The following RBFOX1 variants were observed in gnomAD, a reference collection of about 807,000 sequenced individuals.
RBFOX1 encodes the protein RNA binding protein fox-1 homolog 1.
In RBFOX1, 8 loss-of-function variants were observed where a neutral mutation model predicts 57.7. That is an observed-to-expected ratio of 0.14 (90% confidence interval 0.08 to 0.25). The LOEUF (loss-of-function observed/expected upper bound fraction) is 0.25, where lower values mean the gene tolerates loss of function less well. Among genes scored for constraint, RBFOX1 ranks in the 10% least tolerant of loss-of-function variants. The probability of loss-of-function intolerance (pLI) is 1.00; values close to 1 mark genes in which losing one functional copy is unlikely to be tolerated. For synonymous variants in RBFOX1, 326 were observed against 222.4 expected (o/e 1.47, Z -4.15); for missense variants, 611 against 548.5 (o/e 1.11, Z -1.14).
chr16:6,060,497 C>G (rs2095671312), intron 1 of RBFOX1, among the ~76,000 whole-genome samples: 1 of 152,106 alleles, frequency 6.6e-6, no homozygotes, highest in South Asian at 2.1e-4. Flanking sequence ...CCTTGTCATG[C>G]TTTTGGTTGA....
At chr16:7,151,616 G>T (rs142154268) in intron 4 of RBFOX1, among the ~76,000 whole-genome samples, 1 of 152,074 alleles carries the variant, frequency 6.6e-6, no homozygotes, top group Non-Finnish European at 1.5e-5. Flanking sequence ...ATGATTTCAG[G>T]ATGATTTAAG....
At chr16:6,861,967 G>A (rs1224229554) in intron 3 of RBFOX1, among the ~76,000 whole-genome samples, 1 of 151,770 alleles carries the variant, frequency 6.6e-6, no homozygotes, top group Non-Finnish European at 1.5e-5. Flanking sequence ...TATGCAATGG[G>A]AGGCTTGAAT....
chr16:6,186,858 A>C (rs2097108572), intron 1 of RBFOX1, among the ~76,000 whole-genome samples: 1 of 152,204 alleles, frequency 6.6e-6, no homozygotes, highest in Non-Finnish European at 1.5e-5. Context: ...CAGAGAATGT[A>C]GGGTCACACT....
rs142626536 is a variant in RBFOX1, at chr16:6,872,252, A to C, written c.-15-179805A>C. ...GTAGAGATTTAATAATTGTTGTGTA[A>C]ATGAATAAAACACATCTATCCAGTT... On this transcript the variant is annotated intron_variant, in intron 3 of 15. Transcript: ENST00000550418. 5.8e-3 allele frequency among the ~76,000 whole-genome samples: 884 copies of C among 152,242 alleles called. 14 individuals carry two copies. The highest frequency in any genetic ancestry group is 0.02 in the African/African-American group (836 of 41,546).
intron 4 of RBFOX1, among the ~76,000 whole-genome samples, chr16:7,151,293 G>A (rs2127066): frequency 0.89 from 134,772 of 152,244 alleles, 59,744 homozygotes; most frequent in East Asian, 1. Context: ...TCTGATTACA[G>A]TCAACAGAAA....
At chr16:7,434,902 G>A (rs1007198499) in intron 4 of RBFOX1, among the ~76,000 whole-genome samples, 2 of 151,978 alleles carry the variant, frequency 1.3e-5, no homozygotes, top group Non-Finnish European at 2.9e-5. Context: ...ACCACACTGG[G>A]CTAATTTTTG....
intron 4 of RBFOX1, among the ~76,000 whole-genome samples, chr16:7,231,002 C>T (rs2093465586): frequency 6.6e-6 from 1 of 152,082 alleles, no homozygotes; most frequent in Non-Finnish European, 1.5e-5. Context: ...CATTGATCAG[C>T]CATGGTACCT....
At position 5,830,395 on chromosome 16, in the gene RBFOX1, C is replaced by A. The variant is rs546238003; in HGVS notation, c.319-36908C>A. Among the ~76,000 whole-genome samples, 276 of 144,178 alleles carry A rather than the reference C, an allele frequency of 1.9e-3. 3 individuals carry two copies. Among genetic ancestry groups the A allele is most frequent in the African/African-American group, 6.2e-3 (240 of 39,018 alleles). 94.6% of individuals were successfully genotyped at this position (144,178 alleles called of 152,430 possible). ...TTGCTTTTTGTTTTTTTTTTTTGTT[C>A]TTTCTGTAAACATGAATGTGACTCA... On this transcript the variant is annotated intron_variant, in intron 3 of 19. Coordinates refer to the RBFOX1 transcript ENST00000641259.
chr16:7,607,152 C>T (rs2095313211), intron 9 of RBFOX1, 133 bp from the exon 10 acceptor site: 1 of 712,740 alleles, frequency 1.4e-6, no homozygotes, highest in East Asian at 3.0e-5. Context: ...TTTATGCATG[C>T]CCAAACGACA....
At chr16:5,345,760 T>C (rs13334279) in intron 1 of RBFOX1, among the ~76,000 whole-genome samples, 18,596 of 152,164 alleles carry the variant, frequency 0.12, 2,883 homozygotes, top group African/African-American at 0.37. Context: ...TTAAGGCACA[T>C]GACGCCACCC....
At chr16:6,688,829 T>A (rs2059812004) in intron 3 of RBFOX1, among the ~76,000 whole-genome samples, 1 of 152,126 alleles carries the variant, frequency 6.6e-6, no homozygotes, top group Non-Finnish European at 1.5e-5. Flanking sequence ...GATGTTCTCC[T>A]CCCTGTGTCC....
At chr16:5,689,647 G>A (rs1043698874) in intron 3 of RBFOX1, among the ~76,000 whole-genome samples, 1 of 152,134 alleles carries the variant, frequency 6.6e-6, no homozygotes, top group African/African-American at 2.4e-5. Context: ...GGGAATTTCT[G>A]CGTTATGGTC....
intron 4 of RBFOX1, among the ~76,000 whole-genome samples, chr16:5,918,399 C>T (rs886504126): frequency 3.9e-5 from 6 of 152,178 alleles, no homozygotes; most frequent in Admixed American, 1.3e-4. Context: ...GGATTATAGG[C>T]GAGAGCAACC....
At chr16:5,966,917 A>C (rs1394886046) in intron 4 of RBFOX1, among the ~76,000 whole-genome samples, 1 of 139,868 alleles carries the variant, frequency 7.1e-6, no homozygotes, top group Non-Finnish European at 1.5e-5. Flanking sequence ...TCTGATTCAA[A>C]TCACTGAAGA....
rs187051337 is a variant in RBFOX1, at chr16:5,544,745, T to C, written c.259-54157T>C. On this transcript the variant is annotated intron_variant, in intron 2 of 2. Transcript: ENST00000585867. ...AGGCATAACTATATCTTAAAGATAA[T>C]ATGGGAATATTGTGAACAACTTTAT... 7.9e-5 allele frequency among the ~76,000 whole-genome samples: 12 copies of C among 152,250 alleles called. No homozygotes were observed. The East Asian group carries it at 2.3e-3, about 29-fold the overall frequency.
intron 2 of RBFOX1, among the ~76,000 whole-genome samples, chr16:5,528,273 G>A (rs2044321298): frequency 6.6e-6 from 1 of 152,100 alleles, no homozygotes; most frequent in African/African-American, 2.4e-5. Flanking sequence ...TTTTCCGTGG[G>A]GGAGTGTAGG....
chr16:5,865,858 G>A (rs533829487), intron 3 of RBFOX1, among the ~76,000 whole-genome samples: 1 of 152,262 alleles, frequency 6.6e-6, no homozygotes, highest in South Asian at 2.1e-4. Flanking sequence ...GTAGGTGGCT[G>A]CCTTCTTGCT....
chr16:5,737,124 T>C (rs1340644680), intron 3 of RBFOX1, among the ~76,000 whole-genome samples: 4 of 152,052 alleles, frequency 2.6e-5, no homozygotes, highest in Non-Finnish European at 5.9e-5. Context: ...ATGGCTCCAC[T>C]TTCTGCTGGA....
chr16:5,543,667 A>G (rs1012266816), intron 2 of RBFOX1, among the ~76,000 whole-genome samples: 2 of 152,184 alleles, frequency 1.3e-5, no homozygotes, highest in African/African-American at 4.8e-5. Flanking sequence ...GAAAATCACA[A>G]ACCCAGAGAC....
Sources: allele counts gnomAD v4.1 joint callset (sites outside exome capture counted in the v4.1 genomes callset), GRCh38; gene constraint gnomAD v4.1.1; transcripts MANE v1.5; gene names NCBI Gene and HGNC (gene_info 2026-07-23, HGNC 2026-07-21).